The following CPSF2 variants were observed in gnomAD, a reference collection of about 807,000 sequenced individuals.
CPSF2 encodes cleavage and polyadenylation specificity factor subunit 2.
Under a neutral mutation model 84.2 loss-of-function variants are expected in CPSF2, and 51 were observed. That is an observed-to-expected ratio of 0.61 (90% CI 0.48 to 0.77). The LOEUF is 0.77. CPSF2 is among the 30% of genes least tolerant of loss of function. The pLI is 0.00. For missense variants in CPSF2, 641 were observed against 929.4 expected (o/e 0.69, Z 4.03); for synonymous variants, 286 against 311.9 (o/e 0.92, Z 0.87).
chr14:92,130,148 A>G (rs2068897424), intron 2 of CPSF2, among the ~76,000 whole-genome samples: 1 of 152,200 alleles, frequency 6.6e-6, no homozygotes, highest in African/African-American at 2.4e-5. Context: ...GGTTCTATTT[A>G]GGGAGTTGCA....
At chr14:92,146,259 C>T (rs916444728) in intron 9 of CPSF2, among the ~76,000 whole-genome samples, 4 of 152,176 alleles carry the variant, frequency 2.6e-5, no homozygotes, top group Admixed American at 6.5e-5. Context: ...TGGTGGCTCA[C>T]GCCTGTAATC....
rs1200739540 is a variant in CPSF2, at chr14:92,170,644, T to G, written c.*8900T>G. The G allele has an allele frequency of 6.6e-6, 1 of 152,254 alleles. No homozygotes were observed. Among genetic ancestry groups the G allele is most frequent in the Non-Finnish European group, 1.5e-5 (1 of 68,066 alleles). The allele number at this position is 152,254 out of a possible 1,614,324, so 9.4% of individuals were successfully genotyped here. A position where few individuals can be genotyped will look rare whatever the true frequency, so the allele number is the denominator to read the frequency against. On this transcript the variant is annotated 3_prime_UTR_variant, in exon 16 of 16. Transcript: ENST00000298875. ...AGCGGTTCCTTGGTTTTTCCTTTTTTGTGACCTTGACATTTTTGAAGAATG... is the reference window on the plus strand; with the variant it reads ...AGCGGTTCCTTGGTTTTTCCTTTTTGGTGACCTTGACATTTTTGAAGAATG...
At position 92,131,063 on chromosome 14, in the gene CPSF2, G is replaced by A; in HGVS notation, c.79G>A (p.Glu27Lys). Residue 27 changes from glutamate (E) to lysine (K), a missense_variant, in exon 3 of 16, where the codon GAG (glutamate) becomes AAG (lysine). By Grantham distance (56) the Glu-to-Lys change is moderately conservative. Coordinates refer to ENST00000298875, the MANE Select transcript of CPSF2 (RefSeq NM_017437.3). ...CCTTTGCTATCTTCTCCAAGTTGATGAGTTTAGATTTTTATTGGACTGTGG... is the reference window on the plus strand; with the variant it reads ...CCTTTGCTATCTTCTCCAAGTTGATAAGTTTAGATTTTTATTGGACTGTGG... Reference protein sequence around the residue: ...SALCYLLQVDEFRFLLDCGWD... With the variant: ...SALCYLLQVDKFRFLLDCGWD... 1 of 1,612,934 alleles carries A rather than the reference G, an allele frequency of 6.2e-7. No homozygotes were observed. The highest frequency in any genetic ancestry group is 8.5e-7 in the Non-Finnish European group (1 of 1,179,386).
rs1232492142 is a variant in CPSF2 at position 92,171,548 on chromosome 14, C to T, written c.*9804C>T. ...CAGGCTCGTCTTCTATTTTCCCTAC[C>T]CCGCTCCTGACATCAGCCATTTCTC... On this transcript the variant is annotated 3_prime_UTR_variant, in exon 16 of 16. Coordinates refer to ENST00000298875, the MANE Select transcript of CPSF2 (RefSeq NM_017437.3). 1 of 152,186 alleles carries T rather than the reference C, an allele frequency of 6.6e-6. No homozygotes were observed. The highest frequency in any genetic ancestry group is 2.4e-5 in the African/African-American group (1 of 41,398). 9.4% of individuals were successfully genotyped at this position (152,186 alleles called of 1,614,324 possible).
intron 12 of CPSF2, among the ~76,000 whole-genome samples, chr14:92,156,929 A>G (rs959327149): frequency 1.3e-5 from 2 of 152,290 alleles, no homozygotes; most frequent in East Asian, 1.9e-4. Flanking sequence ...TTATTCTGTA[A>G]GCAGGTGAAA....
Position 92,165,849 on chromosome 14 carries a change from T to C in CPSF2, c.*4105T>C, listed in dbSNP as rs1418054037. 7.2e-6 allele frequency: 1 copy of C among 139,376 alleles called. No individual in the cohort carries two copies. Among genetic ancestry groups the C allele is most frequent in the Non-Finnish European group, 1.5e-5 (1 of 65,916 alleles). The allele number at this position is 139,376 out of a possible 1,614,324, so 8.6% of individuals were successfully genotyped here. A position where few individuals can be genotyped will look rare whatever the true frequency, so the allele number is the denominator to read the frequency against. ...CCCTTCAGTTCTTTGTGCTTGGTTT[T>C]ATATCTTTTTTTTTTTTTTTTTTTT... On this transcript the variant is annotated 3_prime_UTR_variant, in exon 16 of 16. Coordinates refer to ENST00000298875, the MANE Select transcript of CPSF2 (RefSeq NM_017437.3).
chr14:92,122,000 A>C lies in CPSF2; in HGVS notation c.-222A>C. The C allele has an allele frequency of 1.5e-6, 1 of 662,400 alleles. No homozygotes were observed. The highest frequency in any genetic ancestry group is 1.9e-5 in the South Asian group (1 of 54,000). The allele number at this position is 662,400 out of a possible 1,614,324, so 41.0% of individuals were successfully genotyped here. A position where few individuals can be genotyped will look rare whatever the true frequency, so the allele number is the denominator to read the frequency against. On this transcript the variant is annotated 5_prime_UTR_variant, in exon 1 of 16. Coordinates refer to ENST00000298875, the MANE Select transcript of CPSF2 (RefSeq NM_017437.3). ...CTCCAGCTCCAAAATGGCGGCTGCC[A>C]CTGTGGGGCTTCTGCCGGCCGGTAG...
chr14:92,150,281 AT>A lies in CPSF2; in HGVS notation c.1141-4066del, dbSNP rs541214449. 8.3e-3 allele frequency among the ~76,000 whole-genome samples: 1,222 copies of A among 146,828 alleles called. 19 individuals carry two copies. The highest frequency in any genetic ancestry group is 0.021 in the Middle Eastern group (6 of 284). Reference sequence around the variant, plus strand: ...AGGTGTGTGCCACGTTGCCCAGCTAATTTTTTTTTTTCATATTTTTAGTAGA... The same window carrying A: ...AGGTGTGTGCCACGTTGCCCAGCTAATTTTTTTTTTCATATTTTTAGTAGA... On this transcript the variant is annotated intron_variant, in intron 9 of 15. Coordinates refer to ENST00000298875, the MANE Select transcript of CPSF2 (RefSeq NM_017437.3).
At chr14:92,133,984 G>C in intron 3 of CPSF2, 27 bp from the exon 4 acceptor site, 2 of 1,610,418 alleles carry the variant, frequency 1.2e-6, no homozygotes, top group Non-Finnish European at 1.7e-6. Flanking sequence ...GATTCAAGAA[G>C]TAGTCCTTTG....
At chr14:92,130,929 A>G (rs982603626) in intron 2 of CPSF2, 22 bp from the exon 3 acceptor site, 5 of 1,458,760 alleles carry the variant, frequency 3.4e-6, no homozygotes, top group Non-Finnish European at 4.7e-6. Context: ...ATGTTTAATT[A>G]TGTTTTCATT....
chr14:92,150,283 T>G (rs2069197199), intron 9 of CPSF2, among the ~76,000 whole-genome samples: 1 of 148,522 alleles, frequency 6.7e-6, no homozygotes, highest in Admixed American at 6.7e-5. Flanking sequence ...CCCAGCTAAT[T>G]TTTTTTTTTC....
At chr14:92,123,316 C>T (rs536939329) in intron 1 of CPSF2, among the ~76,000 whole-genome samples, 1 of 152,146 alleles carries the variant, frequency 6.6e-6, no homozygotes, top group African/African-American at 2.4e-5. Flanking sequence ...TTAGTAGAGA[C>T]AGGGTTTCAC....
intron 14 of CPSF2, among the ~76,000 whole-genome samples, chr14:92,160,241 G>A (rs2069354082): frequency 6.6e-6 from 1 of 152,180 alleles, no homozygotes; most frequent in Non-Finnish European, 1.5e-5. Flanking sequence ...GGGATTACAG[G>A]CGTGAGCCAA....
At chr14:92,135,646 A>G in intron 6 of CPSF2, 150 bp downstream of exon 6, 1 of 724,358 alleles carries the variant, frequency 1.4e-6, no homozygotes, top group South Asian at 2.0e-5. Flanking sequence ...AAAATTAATT[A>G]TTTGCATAGT....
intron 9 of CPSF2, among the ~76,000 whole-genome samples, chr14:92,147,982 C>T (rs1017326706): frequency 3.9e-5 from 6 of 152,228 alleles, no homozygotes; most frequent in African/African-American, 1.4e-4. Context: ...ACCTTGGCCT[C>T]CCAAAGTGTG....
At chr14:92,136,205 G>A (rs2068996731) in intron 6 of CPSF2, among the ~76,000 whole-genome samples, 2 of 152,068 alleles carry the variant, frequency 1.3e-5, no homozygotes, top group Non-Finnish European at 2.9e-5. Flanking sequence ...TGTACATTAA[G>A]TTCATAGCTA....
At chr14:92,137,868 G>A (rs981468666) in intron 6 of CPSF2, among the ~76,000 whole-genome samples, 7 of 152,120 alleles carry the variant, frequency 4.6e-5, no homozygotes, top group South Asian at 4.1e-4. Flanking sequence ...AGAACTGAGC[G>A]TATAGGAATG....
intron 3 of CPSF2, among the ~76,000 whole-genome samples, chr14:92,132,052 G>A (rs1388360863): frequency 3.9e-5 from 6 of 152,028 alleles, no homozygotes; most frequent in Non-Finnish European, 8.8e-5. Flanking sequence ...GTTACTATGC[G>A]AAAAAGCTGG....
At chr14:92,133,267 A>G (rs557553061) in intron 3 of CPSF2, among the ~76,000 whole-genome samples, 21 of 151,352 alleles carry the variant, frequency 1.4e-4, no homozygotes, top group Admixed American at 6.6e-4. Flanking sequence ...CAAAAATACA[A>G]AATAAGCTGG....
Sources: gnomAD v4.1 joint callset for allele counts (sites outside exome capture counted in the v4.1 genomes callset) on GRCh38, gnomAD v4.1.1 for gene constraint, MANE v1.5 for transcripts, NCBI Gene and HGNC (gene_info 2026-07-23, HGNC 2026-07-21) for gene names.